Variants in UBTD2 observed in about 807,000 individuals in gnomAD.
UBTD2 encodes ubiquitin domain containing 2, also known as ubiquitin domain-containing protein 2.
A neutral mutation model predicts 19.8 loss-of-function variants in UBTD2; 9 were observed. The ratio of observed to expected loss-of-function variants is 0.46; its 90% CI spans 0.27 to 0.79. UBTD2 has a LOEUF of 0.79. Among genes scored for constraint, UBTD2 ranks in the 30% least tolerant of loss-of-function variants. The pLI is 0.14. For missense variants in UBTD2, 250 were observed against 300.4 expected (o/e 0.83, Z 1.24); for synonymous variants, 98 against 103.9 (o/e 0.94, Z 0.35).
intron 2 of UBTD2, among the ~76,000 whole-genome samples, chr5:172,223,092 G>C (rs1297069006): frequency 6.6e-6 from 1 of 152,156 alleles, no homozygotes; most frequent in African/African-American, 2.4e-5. Flanking sequence ...AGATTTGATG[G>C]AAAACCAAAA....
Position 172,234,142 on chromosome 5 carries a change from G to A in UBTD2, c.287C>T (p.Ala96Val). ...CCTACCATGTGGTAATGTTATGTTT[G>A]CACCATCAATGATTGCTTGTGCCAG... ...HELAQAIIDG[A>V]NITLPHGALT... The change falls in exon 2 of 3, where the codon GCA (alanine) becomes GTA (valine). Residue 96 changes from alanine (A) to valine (V), a missense_variant. Coordinates refer to ENST00000393792, the MANE Select transcript of UBTD2 (RefSeq NM_152277.3). 1 of 1,614,098 alleles carries A rather than the reference G, an allele frequency of 6.2e-7. No homozygotes were observed.
chr5:172,282,850 A>C (rs1755745498), intron 1 of UBTD2, among the ~76,000 whole-genome samples: 1 of 152,216 alleles, frequency 6.6e-6, no homozygotes, highest in African/African-American at 2.4e-5. Flanking sequence ...TACTGATCTT[A>C]CTGGGTGGGG....
chr5:172,245,361 A>C (rs1170293895), intron 1 of UBTD2, among the ~76,000 whole-genome samples: 1 of 152,158 alleles, frequency 6.6e-6, no homozygotes, highest in Non-Finnish European at 1.5e-5. Flanking sequence ...GAATACCCTA[A>C]AATTCTGTGT....
rs577033577 is a variant in UBTD2, at chr5:172,213,725, T to A, written c.308-1498A>T. Among the ~76,000 whole-genome samples, 10 of 152,292 alleles carry A rather than the reference T, an allele frequency of 6.6e-5. No individual in the cohort carries two copies. The East Asian group carries it at 1.5e-3, about 23-fold the overall frequency. On this transcript the variant is annotated intron_variant, in intron 2 of 2. Transcript: ENST00000393792. ...CACCTCCTGAGTAGCTGAGACTAGG[T>A]GTGTAAACTACATTACAGTTACCAG...
chr5:172,269,014 G>GTGTCATGA (rs1561866318), intron 1 of UBTD2, among the ~76,000 whole-genome samples: 1 of 152,058 alleles, frequency 6.6e-6, no homozygotes. Flanking sequence ...TCACATTGAA[G>GTGTCATGA]TGTCATGATG....
chr5:172,274,908 C>T (rs1194511943), intron 1 of UBTD2, among the ~76,000 whole-genome samples: 4 of 152,080 alleles, frequency 2.6e-5, no homozygotes, highest in South Asian at 2.1e-4. Flanking sequence ...TGGTGGCGGG[C>T]GCCTGTAGTC....
chr5:172,228,476 T>G (rs546758843), intron 2 of UBTD2, among the ~76,000 whole-genome samples: 1 of 152,290 alleles, frequency 6.6e-6, no homozygotes, highest in African/African-American at 2.4e-5. Context: ...ATCCCAGCAC[T>G]TTGGGAGGCC....
At chr5:172,273,715 A>C (rs1044819308) in intron 1 of UBTD2, among the ~76,000 whole-genome samples, 4 of 152,062 alleles carry the variant, frequency 2.6e-5, no homozygotes, top group Non-Finnish European at 5.9e-5. Context: ...AAGCAGCTAC[A>C]ATGGCCTATG....
In UBTD2 at chr5:172,263,467, T is replaced by G. The variant is rs1186159210; in HGVS notation, c.70+20129A>C. Among the ~76,000 whole-genome samples, 3 of 152,114 alleles carry G rather than the reference T, an allele frequency of 2.0e-5. No homozygotes were observed. The East Asian group carries it at 5.8e-4, about 29-fold the overall frequency. On this transcript the variant is annotated intron_variant, in intron 1 of 2. Transcript: ENST00000393792. ...AAAGGCATAAACATATGTTATAAAG[T>G]TTAAATTGTATGTTATATAAAGTTA...
At position 172,210,059 on chromosome 5, in the gene UBTD2, C is replaced by G. The variant is rs1182270751; in HGVS notation, c.*1771G>C. ...ATACTGATTTACCCTAATATCTCCA[C>G]CTCTAAACATAAAAAAAATCTCCTT... On this transcript the variant is annotated 3_prime_UTR_variant, in exon 3 of 3. Transcript: ENST00000393792. 6.6e-6 allele frequency: 1 copy of G among 152,144 alleles called. No individual in the cohort carries two copies. Among genetic ancestry groups the G allele is most frequent in the Non-Finnish European group, 1.5e-5 (1 of 68,036 alleles). The allele number at this position is 152,144 out of a possible 1,614,324, so 9.4% of individuals were successfully genotyped here. A position where few individuals can be genotyped will look rare whatever the true frequency, so the allele number is the denominator to read the frequency against.
intron 1 of UBTD2, among the ~76,000 whole-genome samples, chr5:172,240,602 G>A (rs933881839): frequency 2.6e-5 from 4 of 151,888 alleles, no homozygotes; most frequent in Admixed American, 1.3e-4. Context: ...AACACCTACC[G>A]CAACATAGTA....
At chr5:172,274,888 T>C (rs538808189) in intron 1 of UBTD2, among the ~76,000 whole-genome samples, 4 of 152,058 alleles carry the variant, frequency 2.6e-5, no homozygotes, top group East Asian at 3.9e-4. Context: ...TACAAAAAAT[T>C]AGCCAGGCAT....
intron 1 of UBTD2, among the ~76,000 whole-genome samples, chr5:172,273,869 C>T (rs1490990999): frequency 6.6e-6 from 1 of 152,100 alleles, no homozygotes; most frequent in Non-Finnish European, 1.5e-5. Flanking sequence ...ACTGTATTTT[C>T]AACCTATATC....
intron 1 of UBTD2, among the ~76,000 whole-genome samples, chr5:172,256,872 C>T (rs1014212801): frequency 3.3e-5 from 5 of 152,220 alleles, no homozygotes; most frequent in African/African-American, 4.8e-5. Flanking sequence ...GAGCTGAGAT[C>T]GCACCACTGC....
intron 1 of UBTD2, among the ~76,000 whole-genome samples, chr5:172,240,878 G>A (rs1364836012): frequency 6.6e-6 from 1 of 152,050 alleles, no homozygotes; most frequent in African/African-American, 2.4e-5. Flanking sequence ...TGTGGCCAAG[G>A]AGTTCAAGAT....
intron 2 of UBTD2, among the ~76,000 whole-genome samples, chr5:172,216,130 G>A (rs1771537613): frequency 6.6e-6 from 1 of 151,924 alleles, no homozygotes; most frequent in Non-Finnish European, 1.5e-5. Flanking sequence ...TTGCGCCACT[G>A]CACTCCAGCC....
chr5:172,272,069 C>T (rs939856588), intron 1 of UBTD2, among the ~76,000 whole-genome samples: 1 of 152,164 alleles, frequency 6.6e-6, no homozygotes, highest in African/African-American at 2.4e-5. Context: ...AGATGTCTAA[C>T]TTCAACAGAA....
chr5:172,242,422 A>G (rs1772150829), intron 1 of UBTD2: 2 of 985,394 alleles, frequency 2.0e-6, no homozygotes, highest in Middle Eastern at 1.0e-3. Flanking sequence ...ATGTGTTGTC[A>G]TTTGATGTAG....
At chr5:172,271,289 C>T (rs567178241) in intron 1 of UBTD2, among the ~76,000 whole-genome samples, 14 of 152,086 alleles carry the variant, frequency 9.2e-5, no homozygotes, top group African/African-American at 3.4e-4. Flanking sequence ...ATTAGCCAGG[C>T]GTGGTGGCAG....
Sources: allele counts gnomAD v4.1 joint callset (sites outside exome capture counted in the v4.1 genomes callset), GRCh38; gene constraint gnomAD v4.1.1; transcripts MANE v1.5; gene names NCBI Gene and HGNC (gene_info 2026-07-23, HGNC 2026-07-21).